PHACTR4: variants seen among roughly 807,000 people sequenced by gnomAD.
The protein encoded by PHACTR4 is phosphatase and actin regulator 4, also known as protein phosphatase 1, regulatory subunit 124.
Under a neutral mutation model 72.7 loss-of-function variants are expected in PHACTR4, and 51 were observed. The observed-to-expected ratio is 0.70, with a 90% confidence interval of 0.56 to 0.89. The LOEUF is 0.89. Ranked by LOEUF, PHACTR4 falls within the 40% of genes least tolerant of loss-of-function variation. PHACTR4 has a pLI of 0.00. For synonymous variants in PHACTR4, 255 were observed against 302.5 expected (o/e 0.84, Z 1.63); for missense variants, 731 against 861.8 (o/e 0.85, Z 1.90).
Position 28,473,748 on chromosome 1 carries a change from C to T in PHACTR4, c.1018C>T (p.Pro340Ser). Reference sequence around the variant, plus strand: ...CTCGGAACTACTACCAATGATCTCACCTCGCTCTCCGTCCCCCCCACTGCC... The same window carrying T: ...CTCGGAACTACTACCAATGATCTCATCTCGCTCTCCGTCCCCCCCACTGCC... ...MGSELLPMIS[P>S]RSPSPPLPTH... Residue 340 changes from proline to serine, a missense_variant, in exon 7 of 14, where the codon CCT (proline) becomes TCT (serine). Physicochemically the swap from Pro to Ser is moderately conservative, Grantham distance 74 (BLOSUM62 -1). This residue lies in a region of PHACTR4 where 621 missense variants were observed against 676.6 expected (regional missense o/e 0.92). Coordinates refer to ENST00000373839, the MANE Select transcript of PHACTR4 (RefSeq NM_001048183.3). The T allele has an allele frequency of 6.2e-7, 1 of 1,614,092 alleles. No individual in the cohort carries two copies. Among genetic ancestry groups the T allele is most frequent in the Non-Finnish European group, 8.5e-7 (1 of 1,180,026 alleles).
chr1:28,492,163 G>A (rs1009267270), intron 12 of PHACTR4, among the ~76,000 whole-genome samples: 9 of 152,160 alleles, frequency 5.9e-5, no homozygotes, highest in Admixed American at 1.3e-4. Flanking sequence ...CTGGCCAGGC[G>A]TGGTGGCTTA....
At chr1:28,490,895 G>T in intron 10 of PHACTR4, 56 bp from the exon 11 acceptor site, 1 of 1,478,616 alleles carries the variant, frequency 6.8e-7, no homozygotes, top group East Asian at 2.3e-5. Flanking sequence ...TAAAACGTTT[G>T]ATATGCAAAT....
At chr1:28,427,838 AAGTATTTGTGG>A in intron 2 of PHACTR4, among the ~76,000 whole-genome samples, 1 of 152,306 alleles carries the variant, frequency 6.6e-6, no homozygotes, top group East Asian at 1.9e-4. Flanking sequence ...GGTACTCAGC[AAGTATTTGTGG>A]AGTGAATAAG....
chr1:28,409,126 T>C (rs1287208960), intron 2 of PHACTR4, among the ~76,000 whole-genome samples: 1 of 146,952 alleles, frequency 6.8e-6, no homozygotes, highest in African/African-American at 2.5e-5. Flanking sequence ...CTTTCTTTCT[T>C]TTTTTTTTTT....
intron 2 of PHACTR4, among the ~76,000 whole-genome samples, chr1:28,421,401 T>TG (rs1343669300): frequency 2.0e-5 from 3 of 151,604 alleles, no homozygotes; most frequent in Non-Finnish European, 2.9e-5. Context: ...TTGTTTTTTT[T>TG]TTTTTGATTC....
rs80271996 is a variant in PHACTR4 at position 28,453,794 on chromosome 1, G to A, written c.17-5291G>A. 1.6e-3 allele frequency: 1,436 copies of A among 898,690 alleles called. 12 individuals are homozygous for A. The African/African-American group carries it at 0.021, about 13-fold the overall frequency. The allele number at this position is 898,690 out of a possible 1,614,324, so 55.7% of individuals were successfully genotyped here. A position where few individuals can be genotyped will look rare whatever the true frequency, so the allele number is the denominator to read the frequency against. ...TTTCAGCAGTTATCCACATTGGTGC[G>A]TCCTGACAAAAATCATGATGCTGAC... On this transcript the variant is annotated intron_variant, in intron 2 of 13. Coordinates refer to ENST00000373839, the MANE Select transcript of PHACTR4 (RefSeq NM_001048183.3).
intron 1 of PHACTR4, among the ~76,000 whole-genome samples, chr1:28,406,535 C>G (rs1036459290): frequency 3.3e-5 from 5 of 152,184 alleles, no homozygotes; most frequent in Non-Finnish European, 7.3e-5. Context: ...AGCTCTTAAT[C>G]TGAGCCAGAT....
chr1:28,485,022 A>G (rs536069730), intron 9 of PHACTR4, among the ~76,000 whole-genome samples: 5 of 152,296 alleles, frequency 3.3e-5, no homozygotes, highest in Admixed American at 3.3e-4. Flanking sequence ...ATCTTAAAAA[A>G]GAAGGAAATC....
At chr1:28,438,512 G>T in intron 2 of PHACTR4, 1 of 1,471,040 alleles carries the variant, frequency 6.8e-7, no homozygotes, top group Non-Finnish European at 9.4e-7. Context: ...TTTATGTGAA[G>T]TTAAACACGA....
chr1:28,489,191 A>G lies in PHACTR4; in HGVS notation c.1782A>G (p.Thr594=). The G allele has an allele frequency of 6.2e-7, 1 of 1,613,072 alleles. No individual in the cohort carries two copies. The highest frequency in any genetic ancestry group is 1.1e-5 in the South Asian group (1 of 90,908). The part of the protein sequence containing the change: ...TLIRRLSQRP[T]PEELEQRNIL... ...TTAGGCGACTGAGTCAAAGACCAAC[A>G]CCAGAAGAACTAGAACAACGCAATA... is the stretch of plus-strand genomic sequence containing the variant. The change falls in exon 10 of 14, where the codon ACA becomes ACG. Residue 594 remains threonine, a synonymous_variant. Coordinates refer to ENST00000373839, the MANE Select transcript of PHACTR4 (RefSeq NM_001048183.3).
intron 4 of PHACTR4, 38 bp downstream of exon 4, chr1:28,460,330 G>A: frequency 7.1e-7 from 1 of 1,417,890 alleles, no homozygotes; most frequent in Non-Finnish European, 9.9e-7. Context: ...CTGTCTCTGT[G>A]CACTTGGTCT....
At chr1:28,371,750 C>T (rs955720656) in intron 1 of PHACTR4, among the ~76,000 whole-genome samples, 1 of 151,984 alleles carries the variant, frequency 6.6e-6, no homozygotes. Flanking sequence ...GCCACCAGCG[C>T]AGCTAATTAA....
chr1:28,377,209 A>T (rs1039281811), intron 1 of PHACTR4, among the ~76,000 whole-genome samples: 1 of 147,314 alleles, frequency 6.8e-6, no homozygotes, highest in South Asian at 2.2e-4. Context: ...AAGTGGTAGG[A>T]TTACAGGCGT....
At chr1:28,426,665 A>G (rs1398896142) in intron 2 of PHACTR4, among the ~76,000 whole-genome samples, 1 of 150,748 alleles carries the variant, frequency 6.6e-6, no homozygotes, top group Non-Finnish European at 1.5e-5. Context: ...CTCCGTCTCA[A>G]AAAAAAAAAG....
At position 28,466,495 on chromosome 1, in the gene PHACTR4, G is replaced by A. The variant is rs755914931; in HGVS notation, c.550G>A (p.Gly184Arg). Residue 184 changes from glycine (G) to arginine (R), a missense_variant, in exon 6 of 14, where the codon GGG (glycine) becomes AGG (arginine). Around this residue, in one of 2 missense-constraint regions of PHACTR4, gnomAD observed 621 missense variants for 676.6 expected, o/e 0.92. Transcript: ENST00000373839. ...GTCCTCTTCTCATGAAGCAAGTGAA[G>A]GGCAAGCAAAGGATGCCACTTCCTC... The part of the protein sequence containing the change: ...PLSSSHEASE[G>R]QAKDATSSGG... The A allele has an allele frequency of 1.1e-5, 17 of 1,613,964 alleles. No homozygotes were observed. Among genetic ancestry groups the A allele is most frequent in the African/African-American group, 2.7e-5 (2 of 74,890 alleles).
chr1:28,435,222 T>G (rs978971901), intron 2 of PHACTR4, among the ~76,000 whole-genome samples: 2 of 152,188 alleles, frequency 1.3e-5, no homozygotes, highest in Non-Finnish European at 2.9e-5. Context: ...CAAAGCACTT[T>G]ATTTCTGTTC....
chr1:28,390,781 A>G (rs900292475), intron 1 of PHACTR4, among the ~76,000 whole-genome samples: 4 of 151,390 alleles, frequency 2.6e-5, no homozygotes, highest in Admixed American at 1.3e-4. Flanking sequence ...CAACAGAAAG[A>G]GACTGCATCT....
chr1:28,417,669 T>C lies in PHACTR4; in HGVS notation c.16+10206T>C, dbSNP rs1439056379. ...TTATTTCTAGAAATTTTCCATATTA[T>C]ATCTTTGGACTGCAGTCAACCACAA... On this transcript the variant is annotated intron_variant, in intron 2 of 13. Coordinates refer to ENST00000373839, the MANE Select transcript of PHACTR4 (RefSeq NM_001048183.3). 2.0e-5 allele frequency among the ~76,000 whole-genome samples: 3 copies of C among 152,180 alleles called. No individual in the cohort carries two copies. The East Asian group carries it at 5.8e-4, about 29-fold the overall frequency.
rs1473061783 is a variant in PHACTR4 at position 28,466,419 on chromosome 1, T to C, written c.474T>C (p.Ser158=). The C allele has an allele frequency of 6.2e-7, 1 of 1,613,592 alleles. No homozygotes were observed. The highest frequency in any genetic ancestry group is 2.2e-5 in the East Asian group (1 of 44,880). ...GCCAGCCTAATTCTGAAGCAGAGTC[T>C]GTTCCTGAGAATGTACCCAAACCAC... is the stretch of plus-strand genomic sequence containing the variant. ...TGSQPNSEAE[S]VPENVPKPPL... The change falls in exon 6 of 14, where the codon TCT becomes TCC. Residue 158 remains serine, a synonymous_variant. Transcript: ENST00000373839.
Sources: gnomAD v4.1 joint callset for allele counts (sites outside exome capture counted in the v4.1 genomes callset) on GRCh38, gnomAD v4.1.1 for gene constraint, gnomAD v4.1.1 regional missense constraint, MANE v1.5 for transcripts, NCBI Gene and HGNC (gene_info 2026-07-23, HGNC 2026-07-21) for gene names.